The following WLS variants were observed in gnomAD, a reference collection of about 807,000 sequenced individuals.
WLS encodes protein wntless homolog.
WLS carries 23 observed loss-of-function variants against 62.8 expected under a neutral mutation model. The ratio of observed to expected loss-of-function variants is 0.37; its 90% CI spans 0.26 to 0.52. The LOEUF is 0.52. Among genes scored for constraint, WLS ranks in the 20% least tolerant of loss-of-function variants. The pLI is 0.92. For missense variants in WLS, 615 were observed against 697.3 expected (o/e 0.88, Z 1.33); for synonymous variants, 246 against 244.1 (o/e 1.01, Z -0.07).
intron 1 of WLS, among the ~76,000 whole-genome samples, chr1:68,216,867 T>C (rs180691669): frequency 6.6e-6 from 1 of 152,340 alleles, no homozygotes; most frequent in Admixed American, 6.5e-5. Flanking sequence ...CTATTAGCAA[T>C]ATTTTATATA....
intron 1 of WLS, among the ~76,000 whole-genome samples, chr1:68,211,014 G>T (rs762550495): frequency 1.3e-5 from 2 of 152,020 alleles, no homozygotes; most frequent in Non-Finnish European, 2.9e-5. Flanking sequence ...CACTGCTTTG[G>T]CCTAAAGACT....
At chr1:68,146,149 T>A in intron 8 of WLS, 137 bp from the exon 9 acceptor site, 5 of 920,394 alleles carry the variant, frequency 5.4e-6, no homozygotes, top group Non-Finnish European at 8.1e-6. Context: ...GATAAAATAT[T>A]AAAACCTGAT....
intron 2 of WLS, among the ~76,000 whole-genome samples, chr1:68,177,103 T>G (rs189914431): frequency 6.6e-6 from 1 of 152,366 alleles, no homozygotes; most frequent in Admixed American, 6.5e-5. Context: ...TAGTCAAATA[T>G]AATTAAATCA....
intron 11 of WLS, among the ~76,000 whole-genome samples, chr1:68,131,133 G>C (rs989712967): frequency 6.7e-5 from 10 of 150,164 alleles, no homozygotes; most frequent in Non-Finnish European, 1.2e-4. Context: ...GGATGGTCTC[G>C]ATCTCCTGAC....
chr1:68,187,280 A>G (rs1648021296), intron 2 of WLS, among the ~76,000 whole-genome samples: 3 of 150,582 alleles, frequency 2.0e-5, no homozygotes, highest in African/African-American at 7.3e-5. Flanking sequence ...TGATAGCTCT[A>G]TTAAGAAAGT....
At chr1:68,202,835 T>G (rs1372042681) in intron 1 of WLS, 2 of 152,180 alleles carry the variant, frequency 1.3e-5, no homozygotes, top group Non-Finnish European at 2.9e-5. Context: ...AGAGCCCCCA[T>G]GGAGGCCCCC....
intron 8 of WLS, among the ~76,000 whole-genome samples, chr1:68,146,977 C>T (rs1217264387): frequency 6.6e-6 from 1 of 152,156 alleles, no homozygotes; most frequent in Admixed American, 6.5e-5. Context: ...CCTCCTCCTC[C>T]CAGGTTCAAG....
chr1:68,161,753 G>T (rs750150989), intron 2 of WLS: 239 of 1,589,514 alleles, frequency 1.5e-4, no homozygotes, highest in Non-Finnish European at 2.0e-4. Context: ...GGCATTCTCT[G>T]CTATTGCTCG....
chr1:68,228,212 G>A, intron 1 of WLS: 1 of 431,384 alleles, frequency 2.3e-6, no homozygotes, highest in Non-Finnish European at 4.6e-6. Context: ...GTGATTTGTT[G>A]ATACTTACAG....
chr1:68,155,187 T>C lies in WLS; in HGVS notation c.578A>G (p.Lys193Arg), dbSNP rs1200975329. The C allele has an allele frequency of 4.3e-6, 7 of 1,613,990 alleles. No homozygotes were observed. Among genetic ancestry groups the C allele is most frequent in the Non-Finnish European group, 5.9e-6 (7 of 1,179,940 alleles). ...CAGCCGGATGTTTAAAAGGTAAAAC[T>C]TATGGGCCACAGACCCAATTTCCAT... is the stretch of plus-strand genomic sequence containing the variant. ...PFMEIGSVAH[K>R]FYLLNIRLPV... is the part of the protein sequence containing the mutation. The change falls in exon 4 of 12, where the codon AAG becomes AGG. Residue 193 changes from lysine to arginine, a missense_variant. Lys to Arg is a conservative substitution (Grantham distance 26, BLOSUM62 2). Transcript: ENST00000262348.
intron 11 of WLS, among the ~76,000 whole-genome samples, chr1:68,100,133 A>T (rs962446269): frequency 4.6e-5 from 7 of 152,268 alleles, no homozygotes; most frequent in African/African-American, 1.7e-4. Context: ...GAAACTTGAC[A>T]TTCATCAATT....
Position 68,098,705 on chromosome 1 carries a change from G to T in WLS, c.1559C>A (p.Ser520Ter). The change falls in exon 12 of 12, where the codon TCG (serine) becomes TAG (stop). Residue 520 changes from serine (S) to a stop codon, truncating the protein, a stop_gained. Coordinates refer to the WLS transcript ENST00000354777. LOFTEE classifies it low-confidence loss of function (END_TRUNC). ...GCTGAACAATTCTTGATAAAGTTCC[G>T]AAACAAACAAAGCACAATCTTCCCT... 1 of 1,613,846 alleles carries T rather than the reference G, an allele frequency of 6.2e-7. No homozygotes were observed. The highest frequency in any genetic ancestry group is 1.3e-5 in the African/African-American group (1 of 75,016).
intron 2 of WLS, among the ~76,000 whole-genome samples, chr1:68,166,615 C>T (rs959555802): frequency 1.3e-5 from 2 of 152,200 alleles, no homozygotes; most frequent in African/African-American, 4.8e-5. Context: ...AGCCACTCAA[C>T]ACAAACTAAA....
intron 1 of WLS, among the ~76,000 whole-genome samples, chr1:68,220,561 C>T (rs1649899934): frequency 6.6e-6 from 1 of 152,128 alleles, no homozygotes; most frequent in Non-Finnish European, 1.5e-5. Flanking sequence ...CAGATCACTG[C>T]CATTTATCAA....
Position 68,232,473 on chromosome 1 carries a change from T to TC in WLS, c.-175dup. The TC allele has an allele frequency of 7.5e-7, 1 of 1,326,866 alleles. No individual in the cohort carries two copies. Among genetic ancestry groups the TC allele is most frequent in the South Asian group, 1.9e-5 (1 of 53,504 alleles). 82.2% of individuals were successfully genotyped at this position (1,326,866 alleles called of 1,614,324 possible). On this transcript the variant is annotated 5_prime_UTR_variant, in exon 1 of 12. Coordinates refer to ENST00000262348, the MANE Select transcript of WLS (RefSeq NM_024911.7). ...CGGGACGGAAGGCGCCCGCACGGAT[T>TC]CCCCCGGCGCAGCCGGCTCGGGTTC... is the stretch of plus-strand genomic sequence containing the variant.
At chr1:68,120,193 G>T (rs1365345945) in intron 11 of WLS, among the ~76,000 whole-genome samples, 1 of 152,194 alleles carries the variant, frequency 6.6e-6, no homozygotes, top group East Asian at 1.9e-4. Context: ...ATCTCATTCA[G>T]GTGGGGTGAA....
chr1:68,110,306 A>G (rs937269788), intron 11 of WLS, among the ~76,000 whole-genome samples: 2 of 152,086 alleles, frequency 1.3e-5, no homozygotes, highest in African/African-American at 4.8e-5. Flanking sequence ...ATGTCTATAC[A>G]TTGGAAACAA....
At chr1:68,163,046 G>C in intron 2 of WLS, 2 of 1,579,546 alleles carry the variant, frequency 1.3e-6, no homozygotes, top group South Asian at 2.2e-5. Context: ...CACAAATTCT[G>C]TCCAATTGCT....
At chr1:68,107,431 G>A (rs1448766408) in intron 11 of WLS, among the ~76,000 whole-genome samples, 1 of 152,170 alleles carries the variant, frequency 6.6e-6, no homozygotes, top group Non-Finnish European at 1.5e-5. Flanking sequence ...GTTCTGCAAT[G>A]AGAAGACATT....
Sources: allele counts gnomAD v4.1 joint callset (sites outside exome capture counted in the v4.1 genomes callset), GRCh38; gene constraint gnomAD v4.1.1; transcripts MANE v1.5; gene names NCBI Gene and HGNC (gene_info 2026-07-23, HGNC 2026-07-21).